The following SPOCK1 variants were observed in gnomAD, a reference collection of about 807,000 sequenced individuals.
The protein encoded by SPOCK1 is SPARC (osteonectin), cwcv and kazal like domains proteoglycan 1.
Under a neutral mutation model 55.3 loss-of-function variants are expected in SPOCK1, and 23 were observed. The ratio of observed to expected loss-of-function variants is 0.42; its 90% CI spans 0.30 to 0.59. The LOEUF (loss-of-function observed/expected upper bound fraction) is 0.59. Ranked by LOEUF, SPOCK1 falls within the 20% of genes least tolerant of loss-of-function variation. The pLI, the probability that SPOCK1 is intolerant of heterozygous loss-of-function variation, is 0.22. For synonymous variants in SPOCK1, 226 were observed against 221.0 expected (o/e 1.02, Z -0.20); for missense variants, 499 against 552.5 (o/e 0.90, Z 0.97).
chr5:137,302,769 G>A (rs549195340), intron 2 of SPOCK1, among the ~76,000 whole-genome samples: 17 of 152,094 alleles, frequency 1.1e-4, no homozygotes, highest in East Asian at 9.6e-4. Flanking sequence ...CTGCATCCAC[G>A]AGGACTTCCG....
intron 2 of SPOCK1, among the ~76,000 whole-genome samples, chr5:137,378,543 G>T (rs1224828696): frequency 1.3e-5 from 2 of 152,228 alleles, no homozygotes; most frequent in African/African-American, 4.8e-5. Context: ...TGAACCCAAA[G>T]ACCCTTCATG....
chr5:137,079,108 G>A (rs1043552700), intron 5 of SPOCK1, among the ~76,000 whole-genome samples: 3 of 152,148 alleles, frequency 2.0e-5, no homozygotes, highest in Admixed American at 6.5e-5. Context: ...GCTCCCCCAG[G>A]AGCCTGCAGT....
At chr5:137,489,963 T>A (rs1754139953) in intron 2 of SPOCK1, among the ~76,000 whole-genome samples, 1 of 152,224 alleles carries the variant, frequency 6.6e-6, no homozygotes, top group Non-Finnish European at 1.5e-5. Flanking sequence ...AGAGCATCGG[T>A]GCCTCTGCCT....
chr5:137,338,598 A>G (rs1461437856), intron 2 of SPOCK1, among the ~76,000 whole-genome samples: 1 of 151,798 alleles, frequency 6.6e-6, no homozygotes, highest in Non-Finnish European at 1.5e-5. Flanking sequence ...CGCCACACTG[A>G]CTTCCACAAT....
intron 5 of SPOCK1, among the ~76,000 whole-genome samples, chr5:137,102,014 C>T (rs905424676): frequency 6.6e-6 from 1 of 152,164 alleles, no homozygotes; most frequent in Non-Finnish European, 1.5e-5. Context: ...ACATTCTTAC[C>T]AGCTCAAACC....
At chr5:136,982,238 G>A (rs925073633) in intron 9 of SPOCK1, among the ~76,000 whole-genome samples, 2 of 152,134 alleles carry the variant, frequency 1.3e-5, no homozygotes, top group Non-Finnish European at 2.9e-5. Context: ...ATATTTCAGC[G>A]AGATGATTGC....
intron 3 of SPOCK1, among the ~76,000 whole-genome samples, chr5:137,196,706 T>C (rs1485690757): frequency 6.6e-6 from 1 of 152,236 alleles, no homozygotes; most frequent in Non-Finnish European, 1.5e-5. Context: ...ACTTGACACA[T>C]ATCACTGTTT....
At chr5:137,210,898 T>G (rs1433910473) in intron 3 of SPOCK1, among the ~76,000 whole-genome samples, 1 of 152,216 alleles carries the variant, frequency 6.6e-6, no homozygotes, top group Non-Finnish European at 1.5e-5. Flanking sequence ...GGCTCAATTC[T>G]AAGGTTGTTC....
At chr5:137,190,838 G>A (rs1755166482) in intron 3 of SPOCK1, among the ~76,000 whole-genome samples, 1 of 152,144 alleles carries the variant, frequency 6.6e-6, no homozygotes, top group Non-Finnish European at 1.5e-5. Flanking sequence ...AAGAGACTGA[G>A]GTCAAGATGG....
At chr5:137,078,320 C>G (rs924663224) in intron 5 of SPOCK1, among the ~76,000 whole-genome samples, 5 of 152,172 alleles carry the variant, frequency 3.3e-5, no homozygotes, top group African/African-American at 1.2e-4. Context: ...CCTGTCTCTC[C>G]AGCTGTCCTG....
intron 2 of SPOCK1, among the ~76,000 whole-genome samples, chr5:137,483,753 G>A (rs1468880632): frequency 6.6e-6 from 1 of 152,096 alleles, no homozygotes; most frequent in African/African-American, 2.4e-5. Flanking sequence ...AACCAGTATG[G>A]CACCAAAAAT....
intron 3 of SPOCK1, among the ~76,000 whole-genome samples, chr5:137,176,729 A>C (rs1458984305): frequency 6.6e-6 from 1 of 152,206 alleles, no homozygotes; most frequent in East Asian, 1.9e-4. Flanking sequence ...GACAGGCTGA[A>C]GGCTGGCATG....
chr5:137,443,913 C>A (rs1753068035), intron 2 of SPOCK1, among the ~76,000 whole-genome samples: 1 of 152,184 alleles, frequency 6.6e-6, no homozygotes, highest in Non-Finnish European at 1.5e-5. Context: ...TAGGTCCCAT[C>A]ATCTAAAAGT....
At chr5:137,100,610 T>C (rs1011583769) in intron 5 of SPOCK1, among the ~76,000 whole-genome samples, 1 of 152,206 alleles carries the variant, frequency 6.6e-6, no homozygotes, top group Admixed American at 6.5e-5. Context: ...AGCATCCAAG[T>C]TTCTTACCTG....
At chr5:137,403,435 C>CA (rs938531413) in intron 2 of SPOCK1, among the ~76,000 whole-genome samples, 8 of 151,944 alleles carry the variant, frequency 5.3e-5, no homozygotes, top group African/African-American at 1.4e-4. Context: ...AACAAACAAA[C>CA]AAAAAAATCC....
At chr5:137,126,631 G>A (rs1181609400) in intron 4 of SPOCK1, among the ~76,000 whole-genome samples, 2 of 152,112 alleles carry the variant, frequency 1.3e-5, no homozygotes, top group Non-Finnish European at 2.9e-5. Context: ...GCATGGTGGT[G>A]CATGCCTGTA....
intron 2 of SPOCK1, among the ~76,000 whole-genome samples, chr5:137,338,834 T>C (rs569620390): frequency 2.0e-5 from 3 of 152,374 alleles, no homozygotes; most frequent in Admixed American, 1.3e-4. Context: ...GAAGTGTCTG[T>C]TCATATCCTT....
chr5:137,150,739 G>A (rs180843895), intron 3 of SPOCK1, among the ~76,000 whole-genome samples: 1 of 152,188 alleles, frequency 6.6e-6, no homozygotes, highest in Admixed American at 6.5e-5. Context: ...AATGTCTTCT[G>A]CCCTCTCCTA....
At chr5:137,421,642 T>G (rs1340535320) in intron 2 of SPOCK1, among the ~76,000 whole-genome samples, 1 of 152,224 alleles carries the variant, frequency 6.6e-6, no homozygotes, top group Non-Finnish European at 1.5e-5. Context: ...ATGTTTTCCA[T>G]TGGCTTGGTA....
Sources: allele counts gnomAD v4.1 joint callset (sites outside exome capture counted in the v4.1 genomes callset), GRCh38; gene constraint gnomAD v4.1.1; transcripts MANE v1.5; gene names NCBI Gene and HGNC (gene_info 2026-07-23, HGNC 2026-07-21).